The following LSAMP variants were observed in gnomAD, a reference collection of about 807,000 sequenced individuals.
The protein encoded by LSAMP is limbic system associated membrane protein, also known as limbic system-associated membrane protein.
LSAMP carries 7 observed loss-of-function variants against 38.6 expected under a neutral mutation model. The ratio of observed to expected loss-of-function variants is 0.18; its 90% CI spans 0.10 to 0.34. The LOEUF is 0.34. LSAMP is among the 10% of genes least tolerant of loss of function. The pLI, the probability that LSAMP is intolerant of heterozygous loss-of-function variation, is 1.00. For missense variants in LSAMP, 313 were observed against 420.0 expected (o/e 0.75, Z 2.23); for synonymous variants, 154 against 166.8 (o/e 0.92, Z 0.59).
At chr3:116,260,034 T>C (rs1480662458) in intron 1 of LSAMP, among the ~76,000 whole-genome samples, 4 of 152,184 alleles carry the variant, frequency 2.6e-5, no homozygotes, top group Non-Finnish European at 5.9e-5. Context: ...TTCCCAAGTA[T>C]GTTCCTTGGA....
At chr3:116,011,457 A>T (rs1374472287) in intron 3 of LSAMP, among the ~76,000 whole-genome samples, 1 of 152,192 alleles carries the variant, frequency 6.6e-6, no homozygotes, top group Non-Finnish European at 1.5e-5. Context: ...TAAAAGGAGT[A>T]TAATTTCAAG....
chr3:116,375,786 G>C (rs1023020688), intron 1 of LSAMP, among the ~76,000 whole-genome samples: 5 of 151,726 alleles, frequency 3.3e-5, no homozygotes, highest in Non-Finnish European at 7.4e-5. Flanking sequence ...AATAATTCTG[G>C]ATTTTTATTT....
At chr3:115,861,159 T>TTCCC (rs1559855497) in intron 3 of LSAMP, among the ~76,000 whole-genome samples, 2 of 90,748 alleles carry the variant, frequency 2.2e-5, no homozygotes, top group Non-Finnish European at 4.0e-5. Flanking sequence ...CCTTCCTTCC[T>TTCCC]TCCTTCCTTC....
intron 1 of LSAMP, among the ~76,000 whole-genome samples, chr3:116,139,190 TGTA>T (rs1358195543): frequency 6.6e-6 from 1 of 151,870 alleles, no homozygotes; most frequent in Non-Finnish European, 1.5e-5. Context: ...CAAAGAAAGT[TGTA>T]GTATCCTGAC....
At chr3:115,948,119 T>C (rs1452991264) in intron 3 of LSAMP, among the ~76,000 whole-genome samples, 1 of 152,156 alleles carries the variant, frequency 6.6e-6, no homozygotes, top group African/African-American at 2.4e-5. Context: ...CTGAATAAGG[T>C]CTAAATAATA....
intron 1 of LSAMP, among the ~76,000 whole-genome samples, chr3:116,107,987 C>T (rs1270689265): frequency 1.3e-5 from 2 of 152,100 alleles, no homozygotes; most frequent in African/African-American, 2.4e-5. Flanking sequence ...AGTTTATAGG[C>T]TTTAAAAGGC....
intron 3 of LSAMP, among the ~76,000 whole-genome samples, chr3:115,904,217 A>T (rs1359032036): frequency 6.6e-6 from 1 of 152,206 alleles, no homozygotes; most frequent in Non-Finnish European, 1.5e-5. Context: ...ATAAAGAGCT[A>T]TTAAACATAT....
At chr3:115,931,749 A>G (rs374803505) in intron 3 of LSAMP, among the ~76,000 whole-genome samples, 7 of 152,202 alleles carry the variant, frequency 4.6e-5, no homozygotes, top group East Asian at 3.8e-4. Flanking sequence ...TGTACACCTT[A>G]TCTTATTAAC....
intron 1 of LSAMP, among the ~76,000 whole-genome samples, chr3:116,418,361 A>G (rs2049078060): frequency 6.6e-6 from 1 of 152,144 alleles, no homozygotes; most frequent in South Asian, 2.1e-4. Context: ...CACACCAAAA[A>G]TGCTCCCCTT....
At chr3:116,416,105 T>C (rs923170327) in intron 1 of LSAMP, among the ~76,000 whole-genome samples, 1 of 152,192 alleles carries the variant, frequency 6.6e-6, no homozygotes, top group African/African-American at 2.4e-5. Flanking sequence ...AACTTTATTC[T>C]GCAAAACTGA....
intron 1 of LSAMP, among the ~76,000 whole-genome samples, chr3:116,397,311 G>T (rs1403026441): frequency 6.6e-6 from 1 of 151,992 alleles, no homozygotes; most frequent in South Asian, 2.1e-4. Flanking sequence ...GTAAGTTCCT[G>T]CCTCAAGGCC....
chr3:116,090,891 G>C (rs1055596183), intron 1 of LSAMP, among the ~76,000 whole-genome samples: 3 of 152,176 alleles, frequency 2.0e-5, no homozygotes, highest in African/African-American at 7.2e-5. Context: ...CCACAGGACC[G>C]ATGTGAAATT....
intron 6 of LSAMP, among the ~76,000 whole-genome samples, chr3:115,840,778 T>C (rs1030765028): frequency 1.4e-4 from 21 of 152,172 alleles, no homozygotes; most frequent in Admixed American, 1.4e-3. Flanking sequence ...TATAGCAAGA[T>C]AGAAACATTT....
At chr3:115,816,950 C>T (rs557773481) in intron 6 of LSAMP, among the ~76,000 whole-genome samples, 2 of 152,302 alleles carry the variant, frequency 1.3e-5, no homozygotes, top group South Asian at 4.1e-4. Flanking sequence ...TGTAAAGGTA[C>T]TCTTGACCGC....
intron 1 of LSAMP, among the ~76,000 whole-genome samples, chr3:116,231,628 A>G (rs1311168071): frequency 1.3e-5 from 2 of 152,214 alleles, no homozygotes; most frequent in East Asian, 3.8e-4. Context: ...GCTAAGCTGC[A>G]TAAATCACAG....
chr3:116,114,484 T>C (rs1708698633), intron 1 of LSAMP, among the ~76,000 whole-genome samples: 2 of 150,996 alleles, frequency 1.3e-5, no homozygotes, highest in South Asian at 4.2e-4. Context: ...TCACAAAATG[T>C]ATGCATTCCA....
chr3:116,177,795 C>A (rs1389458426), intron 1 of LSAMP, among the ~76,000 whole-genome samples: 2 of 152,086 alleles, frequency 1.3e-5, no homozygotes, highest in African/African-American at 4.8e-5. Flanking sequence ...ATTTATTGAG[C>A]ACCTACTATA....
chr3:116,220,456 G>C (rs1383164273), intron 1 of LSAMP, among the ~76,000 whole-genome samples: 1 of 151,782 alleles, frequency 6.6e-6, no homozygotes, highest in African/African-American at 2.4e-5. Flanking sequence ...TGGGGCAGCT[G>C]AAGTTAGAAA....
chr3:116,407,357 T>C (rs943815707), intron 1 of LSAMP, among the ~76,000 whole-genome samples: 8 of 152,108 alleles, frequency 5.3e-5, no homozygotes, highest in African/African-American at 1.9e-4. Context: ...GGTAATTAAA[T>C]AAAAGTCAAA....
Sources: gnomAD v4.1 joint callset for allele counts (sites outside exome capture counted in the v4.1 genomes callset) on GRCh38, gnomAD v4.1.1 for gene constraint, MANE v1.5 for transcripts, NCBI Gene and HGNC (gene_info 2026-07-23, HGNC 2026-07-21) for gene names.